The following NCAM1 variants were observed in gnomAD, a reference collection of about 807,000 sequenced individuals.
The protein encoded by NCAM1 is antigen recognized by monoclonal antibody 5.1H11.
NCAM1 carries 14 observed loss-of-function variants against 109.8 expected under a neutral mutation model. The observed-to-expected ratio is 0.13, with a 90% CI of 0.08 to 0.20. The LOEUF (loss-of-function observed/expected upper bound fraction) is 0.20. Ranked by LOEUF, NCAM1 falls within the 10% of genes least tolerant of loss-of-function variation. The probability of loss-of-function intolerance (pLI) is 1.00; values close to 1 mark genes in which losing one functional copy is unlikely to be tolerated. For synonymous variants in NCAM1, 418 were observed against 442.9 expected (o/e 0.94, Z 0.70); for missense variants, 774 against 1,109.9 (o/e 0.70, Z 4.30).
intron 1 of NCAM1, among the ~76,000 whole-genome samples, chr11:113,070,751 A>C (rs979280156): frequency 1.3e-5 from 2 of 152,328 alleles, no homozygotes; most frequent in Non-Finnish European, 2.9e-5. Flanking sequence ...AGTGGCCTCT[A>C]TACTCACTAT....
chr11:112,998,310 A>G (rs1297113262), intron 1 of NCAM1, among the ~76,000 whole-genome samples: 2 of 152,196 alleles, frequency 1.3e-5, no homozygotes, highest in Non-Finnish European at 2.9e-5. Context: ...CTGGAGACTC[A>G]CATGAGGTAG....
intron 1 of NCAM1, chr11:113,197,244 C>A: frequency 4.5e-6 from 1 of 223,376 alleles, no homozygotes; most frequent in Non-Finnish European, 1.0e-5. Flanking sequence ...AACTATCTCA[C>A]CATCCCAGGC....
intron 1 of NCAM1, among the ~76,000 whole-genome samples, chr11:113,162,114 G>A (rs1386817296): frequency 1.3e-5 from 2 of 152,156 alleles, no homozygotes; most frequent in African/African-American, 4.8e-5. Flanking sequence ...GTAATTTTGA[G>A]TTGTAGTTCC....
In NCAM1 at chr11:113,135,790, G is replaced by A. The variant is rs17509584; in HGVS notation, c.53-66589G>A. On this transcript the variant is annotated intron_variant, in intron 1 of 19. Coordinates refer to ENST00000316851, the MANE Select transcript of NCAM1 (RefSeq NM_181351.5). Reference sequence around the variant, plus strand: ...TTAGACTGTTTGCTGAGAAAGCGAGGGCCAGCTATTTCTTGAAGATCAGTA... The same window carrying A: ...TTAGACTGTTTGCTGAGAAAGCGAGAGCCAGCTATTTCTTGAAGATCAGTA... Among the ~76,000 whole-genome samples the A allele has an allele frequency of 9.4e-3, 1,431 of 152,252 alleles. 21 individuals are homozygous for A. The highest frequency in any genetic ancestry group is 0.039 in the South Asian group (189 of 4,820).
At chr11:113,067,848 A>G (rs1555084479) in intron 1 of NCAM1, among the ~76,000 whole-genome samples, 5 of 151,744 alleles carry the variant, frequency 3.3e-5, no homozygotes, top group Non-Finnish European at 7.4e-5. Context: ...GAGACTTCTG[A>G]GAGTCCTGAC....
chr11:113,197,902 C>T (rs1438704452), intron 1 of NCAM1, among the ~76,000 whole-genome samples: 2 of 152,160 alleles, frequency 1.3e-5, no homozygotes, highest in Non-Finnish European at 2.9e-5. Flanking sequence ...AATTTTAATT[C>T]ACTTTTCTTC....
At position 112,962,680 on chromosome 11, in the gene NCAM1, G is replaced by A. The variant is rs943377589; in HGVS notation, c.52+1016G>A. Among the ~76,000 whole-genome samples the A allele has an allele frequency of 6.6e-6, 1 of 151,900 alleles. No individual in the cohort carries two copies. Among genetic ancestry groups the A allele is most frequent in the East Asian group, 1.9e-4 (1 of 5,136 alleles). ...GAGAACCTCGGCAGTGTGCAGGGAG[G>A]TGCATTTCATTTTGGCTATTTCCAT... On this transcript the variant is annotated intron_variant, in intron 1 of 19. Coordinates refer to ENST00000316851, the MANE Select transcript of NCAM1 (RefSeq NM_181351.5). This position sits in a 1 kb window ranked among gnomAD's most constrained non-coding sequence, Gnocchi z 5.6.
intron 1 of NCAM1, among the ~76,000 whole-genome samples, chr11:113,105,579 C>T (rs1042638717): frequency 6.6e-6 from 1 of 152,124 alleles, no homozygotes; most frequent in South Asian, 2.1e-4. Context: ...TATCATTATT[C>T]AGGCATAAAA....
chr11:113,056,019 A>G (rs1467519741), intron 1 of NCAM1, among the ~76,000 whole-genome samples: 9 of 124,864 alleles, frequency 7.2e-5, no homozygotes, highest in African/African-American at 1.8e-4. Context: ...ATATATATAT[A>G]TATATAAAAT....
chr11:113,150,715 T>C (rs1336939936), intron 1 of NCAM1, among the ~76,000 whole-genome samples: 1 of 151,892 alleles, frequency 6.6e-6, no homozygotes, highest in Non-Finnish European at 1.5e-5. Context: ...TGCAGGGACA[T>C]GGAAAGAAAG....
intron 14 of NCAM1, among the ~76,000 whole-genome samples, chr11:113,244,738 G>T (rs1318111469): frequency 1.3e-5 from 2 of 151,898 alleles, no homozygotes; most frequent in Middle Eastern, 3.2e-3. Context: ...AAAACCAAAG[G>T]AGCAATTGCT....
intron 1 of NCAM1, among the ~76,000 whole-genome samples, chr11:113,107,998 G>A (rs530447122): frequency 6.6e-6 from 1 of 152,256 alleles, no homozygotes; most frequent in South Asian, 2.1e-4. Flanking sequence ...GTCATTTGGA[G>A]ATAAGTTCCC....
chr11:113,173,589 C>T (rs1836797), intron 1 of NCAM1, among the ~76,000 whole-genome samples: 118,145 of 131,818 alleles, frequency 0.9, 52,441 homozygotes, highest in African/African-American at 0.96. Context: ...AGCATGTTAC[C>T]TGATATATAT....
chr11:113,222,961 G>A (rs993300289), intron 9 of NCAM1, among the ~76,000 whole-genome samples: 5 of 152,150 alleles, frequency 3.3e-5, no homozygotes, highest in Admixed American at 2.0e-4. Flanking sequence ...CCAGATGAGT[G>A]CAAAAGAAGG....
At position 113,233,274 on chromosome 11, in the gene NCAM1, T is replaced by G. The variant is rs584427; in HGVS notation, c.1650T>G (p.Val550=). ...ILKYKAEWRA[V]GEEVWHSKWY... ...AATACAAAGCTGAGTGGAGAGCAGT[T>G]GGTGAAGAAGTATGGCATTCCAAGT... Residue 550 remains valine, a synonymous_variant, in exon 13 of 20, where the codon GTT becomes GTG. Coordinates refer to ENST00000316851, the MANE Select transcript of NCAM1 (RefSeq NM_181351.5). The surrounding 1 kb of genome is among the most constrained non-coding windows in gnomAD (Gnocchi z 4.5). 885,363 of 1,612,636 alleles carry G rather than the reference T, an allele frequency of 0.55. 248,768 individuals are homozygous for G. The highest frequency in any genetic ancestry group is 0.86 in the African/African-American group (64,342 of 74,920).
At chr11:112,961,688 C>A in intron 1 of NCAM1, 24 bp downstream of exon 1, 1 of 1,364,660 alleles carries the variant, frequency 7.3e-7, no homozygotes, top group South Asian at 1.3e-5. Context: ...TTTTTTAATT[C>A]TCAATCTGGT....
In NCAM1 at chr11:113,131,670, G is replaced by T. The variant is rs116005779; in HGVS notation, c.53-70709G>T. Among the ~76,000 whole-genome samples the T allele has an allele frequency of 2.6e-3, 389 of 152,306 alleles. 2 individuals are homozygous for T. Among genetic ancestry groups the T allele is most frequent in the African/African-American group, 8.8e-3 (365 of 41,576 alleles). On this transcript the variant is annotated intron_variant, in intron 1 of 19. Coordinates refer to ENST00000316851, the MANE Select transcript of NCAM1 (RefSeq NM_181351.5). Reference sequence around the variant, plus strand: ...GGTGAGGCAGGCTGTGCTCCACACAGTCATTCAGGGGTCCAGGATGTCAAA... The same window carrying T: ...GGTGAGGCAGGCTGTGCTCCACACATTCATTCAGGGGTCCAGGATGTCAAA...
At chr11:113,139,719 C>T (rs1941743248) in intron 1 of NCAM1, among the ~76,000 whole-genome samples, 1 of 151,560 alleles carries the variant, frequency 6.6e-6, no homozygotes, top group Admixed American at 6.6e-5. Context: ...AGCTTTCCAA[C>T]AGAATTGGCT....
At chr11:113,260,424 C>T (rs1591468292) in intron 17 of NCAM1, 101 bp downstream of exon 17, 1 of 1,275,700 alleles carries the variant, frequency 7.8e-7, no homozygotes, top group South Asian at 1.5e-5. Flanking sequence ...TGCTTGCTTA[C>T]AGCCATCCTC....
Sources: allele counts gnomAD v4.1 joint callset (sites outside exome capture counted in the v4.1 genomes callset), GRCh38; gene constraint gnomAD v4.1.1; non-coding constraint Gnocchi (gnomAD v3.1); transcripts MANE v1.5; gene names NCBI Gene and HGNC (gene_info 2026-07-23, HGNC 2026-07-21).